The following DLC1 variants were observed in gnomAD, a reference collection of about 807,000 sequenced individuals.
DLC1 encodes DLC1 Rho GTPase activating protein.
DLC1 carries 54 observed loss-of-function variants against 140.3 expected under a neutral mutation model. That is an observed-to-expected ratio of 0.38 (90% CI 0.31 to 0.48). The LOEUF is 0.48. Ranked by LOEUF, DLC1 falls within the 20% of genes least tolerant of loss-of-function variation. The probability of loss-of-function intolerance (pLI) is 0.96; values close to 1 mark genes in which losing one functional copy is unlikely to be tolerated. For synonymous variants in DLC1, 986 were observed against 728.1 expected, an observed-to-expected ratio of 1.35 and a Z score of -5.70; for missense variants, 2,536 against 1,907.0, an observed-to-expected ratio of 1.33 and a Z score of -6.14.
At chr8:13,336,279 C>T (rs988551830) in intron 4 of DLC1, among the ~76,000 whole-genome samples, 2 of 151,750 alleles carry the variant, frequency 1.3e-5, no homozygotes, top group African/African-American at 4.8e-5. Context: ...GTGCTTGACC[C>T]CAAGACACTG....
chr8:13,357,457 G>A (rs758901827), intron 4 of DLC1, among the ~76,000 whole-genome samples: 1 of 152,210 alleles, frequency 6.6e-6, no homozygotes, highest in Non-Finnish European at 1.5e-5. Context: ...GCCCCAGCAC[G>A]TTGTGAGATG....
intron 1 of DLC1, among the ~76,000 whole-genome samples, chr8:13,592,235 A>G (rs1053772081): frequency 6.6e-6 from 1 of 152,074 alleles, no homozygotes; most frequent in Non-Finnish European, 1.5e-5. Context: ...CGATTCAAGT[A>G]TTCTGCCTCC....
chr8:13,225,064 A>C (rs1055894688), intron 5 of DLC1, among the ~76,000 whole-genome samples: 1 of 152,228 alleles, frequency 6.6e-6, no homozygotes, highest in African/African-American at 2.4e-5. Flanking sequence ...GATCCCAGCC[A>C]CTTAATTTCA....
chr8:13,452,646 AAAATATGTTTTT>A lies in DLC1; in HGVS notation c.1023+46391_1023+46402del, dbSNP rs1799121068. Among the ~76,000 whole-genome samples, 3 of 152,220 alleles carry A rather than the reference AAAATATGTTTTT, an allele frequency of 2.0e-5. 1 individual carries two copies. The South Asian group carries it at 6.2e-4, about 31-fold the overall frequency. ...GATGATCTCAGATGGTCTTAGAATT[AAAATATGTTTTT>A]GCTGGTACCTCACATATAGCAAAAA... is the stretch of plus-strand genomic sequence containing the variant. On this transcript the variant is annotated intron_variant, in intron 2 of 17. Transcript: ENST00000276297.
chr8:13,214,728 C>G, intron 5 of DLC1: 2 of 780,878 alleles, frequency 2.6e-6, no homozygotes, highest in Admixed American at 3.4e-5. Flanking sequence ...AATTGGATCC[C>G]TTTGTGCTCT....
At chr8:13,413,654 G>A (rs940033644) in intron 2 of DLC1, among the ~76,000 whole-genome samples, 2 of 152,024 alleles carry the variant, frequency 1.3e-5, no homozygotes, top group Non-Finnish European at 1.5e-5. Flanking sequence ...CCCCCATGCT[G>A]TTCTCATGAT....
intron 2 of DLC1, among the ~76,000 whole-genome samples, chr8:13,486,290 C>T (rs1052591203): frequency 3.9e-5 from 6 of 152,022 alleles, no homozygotes; most frequent in Non-Finnish European, 8.8e-5. Flanking sequence ...TTAAAAAATC[C>T]ATTTTATGTT....
intron 16 of DLC1, among the ~76,000 whole-genome samples, chr8:13,087,775 T>A (rs1345594200): frequency 6.6e-6 from 1 of 152,244 alleles, no homozygotes; most frequent in Non-Finnish European, 1.5e-5. Flanking sequence ...ATTTTTGGAA[T>A]TCTTCTTTCA....
chr8:13,106,091 G>A (rs1000927976), intron 7 of DLC1, among the ~76,000 whole-genome samples: 1 of 152,162 alleles, frequency 6.6e-6, no homozygotes, highest in African/African-American at 2.4e-5. Flanking sequence ...CTGCTCTGAA[G>A]AGGGAGGAGT....
At chr8:13,543,957 T>C (rs1045458255) in intron 1 of DLC1, among the ~76,000 whole-genome samples, 1 of 151,734 alleles carries the variant, frequency 6.6e-6, no homozygotes, top group Non-Finnish European at 1.5e-5. Context: ...AGTTCATCCA[T>C]GCAACCAACA....
intron 5 of DLC1, among the ~76,000 whole-genome samples, chr8:13,249,406 T>G (rs7006269): frequency 6.6e-6 from 1 of 151,960 alleles, no homozygotes; most frequent in Non-Finnish European, 1.5e-5. Flanking sequence ...CAGACTGTAT[T>G]GTCTCCACTG....
At chr8:13,486,011 T>G (rs1347380165) in intron 2 of DLC1, among the ~76,000 whole-genome samples, 1 of 152,216 alleles carries the variant, frequency 6.6e-6, no homozygotes, top group Admixed American at 6.5e-5. Context: ...GGCATGGGAC[T>G]TGTTTGAAAT....
intron 17 of DLC1, 51 bp downstream of exon 17, chr8:13,086,239 G>A: frequency 6.4e-7 from 1 of 1,571,494 alleles, no homozygotes; most frequent in Admixed American, 1.9e-5. Context: ...CAAAAAGTCA[G>A]AATTTCCTTC....
At chr8:13,182,338 G>A (rs1301491183) in intron 5 of DLC1, among the ~76,000 whole-genome samples, 1 of 152,020 alleles carries the variant, frequency 6.6e-6, no homozygotes, top group Admixed American at 6.6e-5. Context: ...GATCCCATTT[G>A]TCTATTTTGG....
At chr8:13,305,483 C>T (rs1050743097) in intron 4 of DLC1, among the ~76,000 whole-genome samples, 181 bp from the exon 5 acceptor site, 4 of 152,178 alleles carry the variant, frequency 2.6e-5, no homozygotes, top group African/African-American at 7.2e-5. Flanking sequence ...TGTAAATCAT[C>T]TTCTAATTCT....
At chr8:13,518,538 C>G (rs932227817), upstream of DLC1, among the ~76,000 whole-genome samples, 3 of 152,210 alleles carry the variant, frequency 2.0e-5, no homozygotes, top group Non-Finnish European at 4.4e-5. Flanking sequence ...TATTCAGTGT[C>G]TCTCATGCAG....
intron 3 of DLC1, among the ~76,000 whole-genome samples, chr8:13,394,191 T>C (rs1439288571): frequency 6.6e-6 from 1 of 152,204 alleles, no homozygotes; most frequent in African/African-American, 2.4e-5. Flanking sequence ...GCTATTACGG[T>C]GGCCTGGAAT....
intron 5 of DLC1, among the ~76,000 whole-genome samples, chr8:13,225,424 C>A (rs944915778): frequency 6.6e-6 from 1 of 151,990 alleles, no homozygotes; most frequent in Non-Finnish European, 1.5e-5. Flanking sequence ...TCTCATTCAC[C>A]CCCTTCCCCC....
intron 4 of DLC1, among the ~76,000 whole-genome samples, chr8:13,385,273 A>C (rs1836466633): frequency 6.6e-6 from 1 of 152,214 alleles, no homozygotes; most frequent in African/African-American, 2.4e-5. Flanking sequence ...CAGTAACAAC[A>C]ACAACAACAC....
Sources: allele counts gnomAD v4.1 joint callset (sites outside exome capture counted in the v4.1 genomes callset), GRCh38; gene constraint gnomAD v4.1.1; transcripts MANE v1.5; gene names NCBI Gene and HGNC (gene_info 2026-07-23, HGNC 2026-07-21).